Variants in ZNF385D observed in about 807,000 individuals in gnomAD.
ZNF385D encodes zinc finger protein 385D, also known as zinc finger protein 659.
In ZNF385D, 15 loss-of-function variants were observed where a neutral mutation model predicts 35.8. The ratio of observed to expected loss-of-function variants is 0.42; its 90% CI spans 0.28 to 0.64. The LOEUF is 0.64. Among genes scored for constraint, ZNF385D ranks in the 30% least tolerant of loss-of-function variants. The pLI is 0.23. For synonymous variants in ZNF385D, 212 were observed against 186.8 expected (o/e 1.13, Z -1.10); for missense variants, 474 against 494.6 (o/e 0.96, Z 0.39).
At chr3:21,451,448 T>G (rs1242644493) in intron 4 of ZNF385D, among the ~76,000 whole-genome samples, 1 of 151,662 alleles carries the variant, frequency 6.6e-6, no homozygotes, top group Non-Finnish European at 1.5e-5. Context: ...ACTACTTCTT[T>G]AACTACTTTT....
At chr3:21,741,014 G>A (rs1469255507) in intron 1 of ZNF385D, among the ~76,000 whole-genome samples, 1 of 152,078 alleles carries the variant, frequency 6.6e-6, no homozygotes, top group African/African-American at 2.4e-5. Context: ...CTTAAGGCTG[G>A]TGGTGAGGTG....
intron 3 of ZNF385D, among the ~76,000 whole-genome samples, chr3:21,537,319 G>A (rs2062060455): frequency 6.6e-6 from 1 of 151,532 alleles, no homozygotes; most frequent in Non-Finnish European, 1.5e-5. Context: ...TTTTAGTAGA[G>A]ACGGGGTTTT....
At chr3:22,035,133 A>T (rs1386420747) in intron 3 of ZNF385D, among the ~76,000 whole-genome samples, 1 of 152,222 alleles carries the variant, frequency 6.6e-6, no homozygotes, top group Non-Finnish European at 1.5e-5. Context: ...CTAGAAAGTG[A>T]ACATAAAATG....
chr3:21,807,434 A>G (rs2072702929), intron 3 of ZNF385D, among the ~76,000 whole-genome samples: 1 of 152,188 alleles, frequency 6.6e-6, no homozygotes, highest in Non-Finnish European at 1.5e-5. Context: ...TGGGTATTCT[A>G]GTTGTGATTT....
intron 2 of ZNF385D, among the ~76,000 whole-genome samples, chr3:21,626,203 G>T (rs1229639937): frequency 6.6e-6 from 1 of 151,982 alleles, no homozygotes; most frequent in Non-Finnish European, 1.5e-5. Context: ...TATGTCAGAG[G>T]CAGAGGTTGT....
chr3:21,447,350 G>A (rs767944133), intron 4 of ZNF385D, among the ~76,000 whole-genome samples: 4 of 101,652 alleles, frequency 3.9e-5, no homozygotes, highest in Non-Finnish European at 8.0e-5. Flanking sequence ...CTCCAGTAGG[G>A]CAGAATGAAA....
intron 1 of ZNF385D, among the ~76,000 whole-genome samples, chr3:21,707,945 C>G (rs528467277): frequency 6.6e-5 from 10 of 152,260 alleles, no homozygotes; most frequent in African/African-American, 2.4e-4. Context: ...GGAAGGAGCT[C>G]TGAGCTGGGA....
intron 1 of ZNF385D, among the ~76,000 whole-genome samples, chr3:21,690,297 A>G (rs139616801): frequency 3.9e-5 from 6 of 152,294 alleles, no homozygotes; most frequent in Non-Finnish European, 8.8e-5. Flanking sequence ...AATTCAAAGA[A>G]TATTGATTTG....
chr3:21,999,477 C>G (rs958304012), intron 3 of ZNF385D, among the ~76,000 whole-genome samples: 1 of 152,022 alleles, frequency 6.6e-6, no homozygotes, highest in Non-Finnish European at 1.5e-5. Flanking sequence ...TCAGCCAACA[C>G]CAACATTTTG....
At position 21,652,577 on chromosome 3, in the gene ZNF385D, A is replaced by G. The variant is rs547454652; in HGVS notation, c.165+12309T>C. Among the ~76,000 whole-genome samples the G allele has an allele frequency of 1.8e-4, 28 of 151,872 alleles. No homozygotes were observed. The South Asian group carries it at 3.3e-3, about 18-fold the overall frequency. On this transcript the variant is annotated intron_variant, in intron 2 of 7. Transcript: ENST00000281523. ...CCATGTTGGTGTGCTACACCCATCAACTCGTCATTTAGCATTAGGTATATC... is the reference window on the plus strand; with the variant it reads ...CCATGTTGGTGTGCTACACCCATCAGCTCGTCATTTAGCATTAGGTATATC...
intron 3 of ZNF385D, among the ~76,000 whole-genome samples, chr3:21,545,070 G>C (rs2062325035): frequency 2.0e-5 from 3 of 152,184 alleles, no homozygotes; most frequent in Admixed American, 2.0e-4. Flanking sequence ...CTAAGTATAT[G>C]CCATCAATCA....
chr3:22,040,111 A>G (rs1488229431), intron 3 of ZNF385D, among the ~76,000 whole-genome samples: 2 of 152,168 alleles, frequency 1.3e-5, no homozygotes, highest in African/African-American at 2.4e-5. Context: ...AGTTTCTGCA[A>G]CTGCTCCCTC....
chr3:22,082,876 T>C (rs1415453834), intron 3 of ZNF385D, among the ~76,000 whole-genome samples: 1 of 152,200 alleles, frequency 6.6e-6, no homozygotes, highest in African/African-American at 2.4e-5. Flanking sequence ...GGCAGCAATA[T>C]TTGCTGTTCT....
intron 2 of ZNF385D, among the ~76,000 whole-genome samples, chr3:22,316,074 C>CT (rs1180809856): frequency 6.6e-6 from 1 of 152,194 alleles, no homozygotes; most frequent in Non-Finnish European, 1.5e-5. Context: ...TGACAACTCA[C>CT]TGACCCCACC....
At chr3:22,049,972 T>C (rs1183732798) in intron 3 of ZNF385D, among the ~76,000 whole-genome samples, 2 of 152,172 alleles carry the variant, frequency 1.3e-5, no homozygotes, top group African/African-American at 4.8e-5. Context: ...CCTTGTAAAA[T>C]GCTTGTCTGG....
chr3:21,855,373 C>T (rs11929466), intron 3 of ZNF385D, among the ~76,000 whole-genome samples: 5,828 of 152,078 alleles, frequency 0.038, 391 homozygotes, highest in African/African-American at 0.13. Context: ...AAGATGCATA[C>T]TGTACAGACT....
chr3:21,982,244 T>C (rs994601454), intron 3 of ZNF385D, among the ~76,000 whole-genome samples: 2 of 152,150 alleles, frequency 1.3e-5, no homozygotes, highest in Non-Finnish European at 2.9e-5. Flanking sequence ...TCTTGTCTTA[T>C]TTCTTTGAGC....
intron 3 of ZNF385D, among the ~76,000 whole-genome samples, chr3:21,940,488 T>C (rs1458752614): frequency 6.6e-6 from 1 of 152,216 alleles, no homozygotes; most frequent in African/African-American, 2.4e-5. Context: ...CTGGGTATTA[T>C]CAGTTCGTTC....
rs747374378 is a variant in ZNF385D, at chr3:21,665,069, G to A, written c.23-41C>T. 1.1e-4 allele frequency: 175 copies of A among 1,526,052 alleles called. 1 individual carries two copies. The South Asian group carries it at 1.4e-3, about 12-fold the overall frequency. 94.5% of individuals were successfully genotyped at this position (1,526,052 alleles called of 1,614,324 possible). A position where few individuals can be genotyped will look rare whatever the true frequency, so the allele number is the denominator to read the frequency against. ...CAAAGGGAGCAATCAGGGACACCAC[G>A]CATGGAAAAAAACACCAAAGTTGCT... On this transcript the variant is annotated intron_variant, in intron 1 of 7. Coordinates refer to ENST00000281523, the MANE Select transcript of ZNF385D (RefSeq NM_024697.3).
Sources: gnomAD v4.1 joint callset for allele counts (sites outside exome capture counted in the v4.1 genomes callset) on GRCh38, gnomAD v4.1.1 for gene constraint, MANE v1.5 for transcripts, NCBI Gene and HGNC (gene_info 2026-07-23, HGNC 2026-07-21) for gene names.